The following DCAF6 variants were observed in gnomAD, a reference collection of about 807,000 sequenced individuals.
DCAF6 encodes the protein DDB1- and CUL4-associated factor 6.
A neutral mutation model predicts 125.1 loss-of-function variants in DCAF6; 54 were observed. The ratio of observed to expected loss-of-function variants is 0.43; its 90% CI spans 0.35 to 0.54. DCAF6 has a LOEUF of 0.54. DCAF6 is among the 20% of genes least tolerant of loss of function. DCAF6 has a pLI of 0.01. For missense variants in DCAF6, 934 were observed against 1,161.7 expected (o/e 0.80, Z 2.85); for synonymous variants, 371 against 390.4 (o/e 0.95, Z 0.58).
At chr1:167,951,041 ATC>A (rs1365572229) in intron 1 of DCAF6, among the ~76,000 whole-genome samples, 2 of 152,202 alleles carry the variant, frequency 1.3e-5, no homozygotes, top group Non-Finnish European at 2.9e-5. Flanking sequence ...GTCATCTTTT[ATC>A]TCTTTTTCCT....
chr1:168,029,619 C>T (rs1338459868), intron 12 of DCAF6, among the ~76,000 whole-genome samples: 1 of 152,104 alleles, frequency 6.6e-6, no homozygotes, highest in Non-Finnish European at 1.5e-5. Flanking sequence ...TTACCACAAC[C>T]ATATGTAGTT....
At chr1:167,883,787 G>C in the DCAF6 span, among the ~76,000 whole-genome samples, 1 of 152,096 alleles carries the variant, frequency 6.6e-6, no homozygotes, top group African/African-American at 2.4e-5. Flanking sequence ...GGAGCAGATG[G>C]AAATATAATC....
In DCAF6 at chr1:167,987,504, G is replaced by T; in HGVS notation, c.448G>T (p.Val150Leu). 1 of 1,554,478 alleles carries T rather than the reference G, an allele frequency of 6.4e-7. No individual in the cohort carries two copies. Among genetic ancestry groups the T allele is most frequent in the Non-Finnish European group, 8.9e-7 (1 of 1,129,624 alleles). ...HYGTTYEIMT[V>L]PNDPYTFLSC... ...TTCTTTTCATCTTCAGATTATGACT[G>T]TACCCAATGACCCTTACACTTTTCT... Residue 150 changes from valine to leucine, a missense_variant, in exon 5 of 22, where the codon GTA (valine) becomes TTA (leucine). Physicochemically the swap from Val to Leu is conservative, Grantham distance 32. This residue lies in a region of DCAF6 where 309 missense variants were observed against 381.2 expected (regional missense o/e 0.81). Coordinates refer to ENST00000367840, the MANE Select transcript of DCAF6 (RefSeq NM_001198956.2).
At chr1:168,005,509 A>T (rs763471529) in intron 10 of DCAF6, among the ~76,000 whole-genome samples, 1 of 152,100 alleles carries the variant, frequency 6.6e-6, no homozygotes, top group African/African-American at 2.4e-5. Context: ...GGTACTTTAA[A>T]CTATATACAT....
intron 21 of DCAF6, among the ~76,000 whole-genome samples, chr1:168,072,321 A>AAAAAAAAAAAAAAAAAAAAAG (rs1693200024): frequency 6.8e-6 from 1 of 146,282 alleles, no homozygotes; most frequent in African/African-American, 2.6e-5. Context: ...AAAAAAAAAA[A>AAAAAAAAAAAAAAAAAAAAAG]AAAAGAAAAG....
chr1:167,978,388 A>T (rs913403567), intron 4 of DCAF6, among the ~76,000 whole-genome samples: 1 of 152,194 alleles, frequency 6.6e-6, no homozygotes, highest in African/African-American at 2.4e-5. Flanking sequence ...TGGTATTTTC[A>T]GCTCTACTTT....
intron 12 of DCAF6, among the ~76,000 whole-genome samples, chr1:168,029,979 CAAAAA>C (rs34555735): frequency 8.2e-6 from 1 of 121,782 alleles, no homozygotes; most frequent in Non-Finnish European, 1.8e-5. Flanking sequence ...GACTCCGTCT[CAAAAA>C]AAAAAAAAAG....
chr1:167,899,550 A>AC, the DCAF6 span: 1 of 1,614,236 alleles, frequency 6.2e-7, no homozygotes, highest in South Asian at 1.1e-5. Context: ...CACATCGTCC[A>AC]CTGCCTGACC....
At chr1:167,922,412 T>A in the DCAF6 span, among the ~76,000 whole-genome samples, 1 of 152,242 alleles carries the variant, frequency 6.6e-6, no homozygotes, top group East Asian at 1.9e-4. Flanking sequence ...GGCCCCTAAA[T>A]TTATTGTGAA....
intron 2 of DCAF6, among the ~76,000 whole-genome samples, chr1:167,953,193 A>G (rs903168802): frequency 1.3e-5 from 2 of 152,168 alleles, no homozygotes; most frequent in South Asian, 2.1e-4. Flanking sequence ...AGATGATCCA[A>G]GGACACCTCT....
chr1:167,994,000 G>A (rs531966166), intron 7 of DCAF6, among the ~76,000 whole-genome samples: 1 of 151,882 alleles, frequency 6.6e-6, no homozygotes, highest in East Asian at 1.9e-4. Context: ...ACTAATTATA[G>A]TTAGTAATTA....
At chr1:167,935,822 C>A (rs1235972027), upstream of DCAF6, 1 of 1,552,566 alleles carries the variant, frequency 6.4e-7, no homozygotes, top group Admixed American at 1.9e-5. Context: ...CCGCAGGCCT[C>A]GGGCACCGGC....
chr1:167,903,181 G>A, the DCAF6 span, among the ~76,000 whole-genome samples: 1 of 152,112 alleles, frequency 6.6e-6, no homozygotes, highest in Non-Finnish European at 1.5e-5. Context: ...GCTTGAACCT[G>A]GGAGGCAGAG....
At chr1:167,999,843 G>A (rs768294990) in intron 7 of DCAF6, among the ~76,000 whole-genome samples, 5 of 152,198 alleles carry the variant, frequency 3.3e-5, no homozygotes, top group East Asian at 1.9e-4. Context: ...AGGCTGTTTC[G>A]TTTTCTTATC....
At position 168,044,612 on chromosome 1, in the gene DCAF6, T is replaced by C. The variant is rs11558511; in HGVS notation, c.1871T>C (p.Val624Ala). 423,077 of 1,609,918 alleles carry C rather than the reference T, an allele frequency of 0.26. 58,387 individuals are homozygous for C. Among genetic ancestry groups the C allele is most frequent in the Non-Finnish European group, 0.28 (328,790 of 1,176,446 alleles). The part of the protein sequence containing the change: ...TKAPEESSED[V>A]TKYQEGVSAE... ...GCTCCTGAAGAATCATCAGAGGATG[T>C]GACAAAATATCAGGAAGGAGTATCT... Residue 624 changes from valine (V) to alanine (A), a missense_variant, in exon 15 of 22, where the codon GTG becomes GCG. Physicochemically the swap from Val to Ala is moderately conservative, Grantham distance 64. Coordinates refer to ENST00000367840, the MANE Select transcript of DCAF6 (RefSeq NM_001198956.2).
At chr1:168,007,399 C>T (rs1571908478) in intron 10 of DCAF6, among the ~76,000 whole-genome samples, 1 of 152,168 alleles carries the variant, frequency 6.6e-6, no homozygotes, top group Non-Finnish European at 1.5e-5. Flanking sequence ...CTGCTGCTTT[C>T]GTAATGAGAA....
At chr1:168,012,960 A>G (rs1684499248) in intron 10 of DCAF6, among the ~76,000 whole-genome samples, 1 of 152,142 alleles carries the variant, frequency 6.6e-6, no homozygotes, top group South Asian at 2.1e-4. Context: ...ACATTTGGTA[A>G]CTCAATAGAG....
chr1:168,053,185 T>C (rs1209908537), intron 17 of DCAF6, among the ~76,000 whole-genome samples: 4 of 152,138 alleles, frequency 2.6e-5, no homozygotes, highest in Admixed American at 6.5e-5. Context: ...TAATCAAAAA[T>C]ATGGGCCCTT....
chr1:168,049,431 GTTTT>G (rs11369573), intron 16 of DCAF6, among the ~76,000 whole-genome samples: 20 of 101,214 alleles, frequency 2.0e-4, no homozygotes, highest in Middle Eastern at 5.3e-3. Context: ...TGTTGTTGTT[GTTTT>G]TTTTTTTTTT....
Sources: gnomAD v4.1 joint callset for allele counts (sites outside exome capture counted in the v4.1 genomes callset) on GRCh38, gnomAD v4.1.1 for gene constraint, gnomAD v4.1.1 regional missense constraint, MANE v1.5 for transcripts, NCBI Gene and HGNC (gene_info 2026-07-23, HGNC 2026-07-21) for gene names.